Variants in FAM227A observed in about 807,000 individuals in gnomAD.
FAM227A encodes the protein protein FAM227A.
FAM227A carries 80 observed loss-of-function variants against 74.7 expected under a neutral mutation model. That is an observed-to-expected ratio of 1.07 (90% CI 0.89 to 1.29). The LOEUF (loss-of-function observed/expected upper bound fraction) is 1.29. Among genes scored for constraint, FAM227A ranks in the 50% most tolerant of loss-of-function variants. FAM227A has a pLI of 0.00. For synonymous variants in FAM227A, 237 were observed against 241.8 expected, an observed-to-expected ratio of 0.98 and a Z score of 0.19; for missense variants, 654 against 683.4, an observed-to-expected ratio of 0.96 and a Z score of 0.48.
intron 2 of FAM227A, among the ~76,000 whole-genome samples, chr22:38,648,971 CAAAA>C (rs55894604): frequency 3.1e-5 from 4 of 128,870 alleles, no homozygotes; most frequent in African/African-American, 1.2e-4. Flanking sequence ...GACTCTGTCT[CAAAA>C]AAAAAAAAAA....
Position 38,579,285 on chromosome 22 carries a change from GCT to G in FAM227A, c.*6838_*6839del, listed in dbSNP as rs987744937. Reference sequence around the variant, plus strand: ...TCTGAAAACCAAGAATAATATCGGCGCTGAGTTGTGAGAATTAAATGGGTTAA... The same window carrying G: ...TCTGAAAACCAAGAATAATATCGGCGGAGTTGTGAGAATTAAATGGGTTAA... On this transcript the variant is annotated 3_prime_UTR_variant, in exon 17 of 17. Transcript: ENST00000535113. The G allele has an allele frequency of 5.3e-5, 8 of 152,144 alleles. No homozygotes were observed. The highest frequency in any genetic ancestry group is 1.9e-4 in the African/African-American group (8 of 41,418). The allele number at this position is 152,144 out of a possible 1,614,324, so 9.4% of individuals were successfully genotyped here.
At chr22:38,655,890 T>G (rs1016858151) in intron 1 of FAM227A, among the ~76,000 whole-genome samples, 1 of 152,220 alleles carries the variant, frequency 6.6e-6, no homozygotes, top group African/African-American at 2.4e-5. Context: ...GTAAACTCCT[T>G]GAACGGCCTA....
intron 1 of FAM227A, among the ~76,000 whole-genome samples, chr22:38,654,114 C>T (rs539935589): frequency 5.9e-5 from 9 of 152,050 alleles, no homozygotes; most frequent in East Asian, 5.8e-4. Context: ...TTTAGGAGGC[C>T]GAGGCAGGCG....
At chr22:38,588,718 C>T (rs1436532523) in intron 16 of FAM227A, among the ~76,000 whole-genome samples, 5 of 146,366 alleles carry the variant, frequency 3.4e-5, no homozygotes, top group Non-Finnish European at 7.4e-5. Context: ...GTCAGGAGTT[C>T]GAGACCATCC....
intron 16 of FAM227A, among the ~76,000 whole-genome samples, chr22:38,586,963 C>T (rs953860009): frequency 4.6e-5 from 7 of 152,124 alleles, no homozygotes; most frequent in Admixed American, 6.6e-5. Context: ...CAGGCATGAG[C>T]CACTGTGCCT....
At chr22:38,632,425 C>T (rs746265637) in intron 6 of FAM227A, among the ~76,000 whole-genome samples, 1 of 152,116 alleles carries the variant, frequency 6.6e-6, no homozygotes, top group African/African-American at 2.4e-5. Context: ...TCAGTCCTTT[C>T]GCCCCCTCTC....
At chr22:38,614,043 TGTA>T (rs911882698) in intron 11 of FAM227A, among the ~76,000 whole-genome samples, 5 of 152,160 alleles carry the variant, frequency 3.3e-5, no homozygotes, top group Admixed American at 2.0e-4. Flanking sequence ...TTTTTGTGTT[TGTA>T]GTAGAGACAG....
intron 11 of FAM227A, among the ~76,000 whole-genome samples, chr22:38,619,912 T>C (rs923925483): frequency 6.6e-6 from 1 of 152,086 alleles, no homozygotes; most frequent in East Asian, 1.9e-4. Context: ...TGAGGATTAG[T>C]GGAGAAAAAA....
At chr22:38,654,297 G>A (rs935276749) in intron 1 of FAM227A, among the ~76,000 whole-genome samples, 17 of 151,740 alleles carry the variant, frequency 1.1e-4, no homozygotes, top group Non-Finnish European at 1.3e-4. Flanking sequence ...GCAGTGAGCC[G>A]GATCGCGCCA....
chr22:38,586,068 G>A lies in FAM227A; in HGVS notation c.*57C>T, dbSNP rs987590403. The A allele has an allele frequency of 8.8e-5, 136 of 1,551,520 alleles. No homozygotes were observed. Among genetic ancestry groups the A allele is most frequent in the Non-Finnish European group, 1.1e-4 (127 of 1,146,938 alleles). ...TTATTTTCTTGTTCCACTCCACCTC[G>A]TAGCAGAAATATCACGGATTCTGTA... is the stretch of plus-strand genomic sequence containing the variant. On this transcript the variant is annotated 3_prime_UTR_variant, in exon 17 of 17. Transcript: ENST00000535113.
At chr22:38,620,366 C>T in intron 10 of FAM227A, 75 bp from the exon 11 acceptor site, 2 of 1,197,966 alleles carry the variant, frequency 1.7e-6, no homozygotes, top group Non-Finnish European at 2.4e-6. Flanking sequence ...GAGCTTGAGA[C>T]AGCCTCCTTT....
intron 11 of FAM227A, among the ~76,000 whole-genome samples, chr22:38,611,184 C>A (rs180715556): frequency 8.4e-4 from 128 of 152,300 alleles, no homozygotes; most frequent in Non-Finnish European, 1.6e-3. Context: ...GTTCTGAGAC[C>A]CCCTGTCCCA....
At chr22:38,614,539 A>C (rs1287605267) in intron 11 of FAM227A, among the ~76,000 whole-genome samples, 1 of 152,160 alleles carries the variant, frequency 6.6e-6, no homozygotes, top group African/African-American at 2.4e-5. Flanking sequence ...CTGCCATTGA[A>C]ATGCATATTT....
At chr22:38,587,522 C>G (rs2090836171) in intron 16 of FAM227A, among the ~76,000 whole-genome samples, 1 of 151,794 alleles carries the variant, frequency 6.6e-6, no homozygotes, top group Non-Finnish European at 1.5e-5. Context: ...AAAACTGACT[C>G]AAGAAAAAAA....
intron 6 of FAM227A, among the ~76,000 whole-genome samples, chr22:38,632,056 G>A (rs1381813830): frequency 4.6e-5 from 7 of 152,116 alleles, no homozygotes; most frequent in African/African-American, 1.2e-4. Context: ...ATGCCCAGGT[G>A]GAAAGCTGTG....
At chr22:38,614,369 T>C (rs1406685046) in intron 11 of FAM227A, among the ~76,000 whole-genome samples, 1 of 152,170 alleles carries the variant, frequency 6.6e-6, no homozygotes, top group African/African-American at 2.4e-5. Flanking sequence ...TCCTAATTTA[T>C]AGCTGGGTCT....
chr22:38,602,868 T>TTTG (rs928482481), intron 13 of FAM227A, among the ~76,000 whole-genome samples: 5 of 151,866 alleles, frequency 3.3e-5, no homozygotes, highest in Non-Finnish European at 5.9e-5. Flanking sequence ...AGTTTTGCTT[T>TTTG]TTGTTGTTGT....
intron 11 of FAM227A, among the ~76,000 whole-genome samples, chr22:38,613,233 TATATA>T (rs2091475826): frequency 1.8e-5 from 1 of 56,432 alleles, no homozygotes; most frequent in Non-Finnish European, 3.1e-5. Context: ...ATATATTATA[TATATA>T]ATATATAATA....
At chr22:38,591,287 G>A in intron 16 of FAM227A, 148 bp downstream of exon 16, 2 of 1,372,302 alleles carry the variant, frequency 1.5e-6, no homozygotes, top group East Asian at 5.5e-5. Flanking sequence ...TGGCACCACT[G>A]CACTCAGCCT....
Sources: allele counts gnomAD v4.1 joint callset (sites outside exome capture counted in the v4.1 genomes callset), GRCh38; gene constraint gnomAD v4.1.1; transcripts MANE v1.5; gene names NCBI Gene and HGNC (gene_info 2026-07-23, HGNC 2026-07-21).